The following RGS12 variants were observed in gnomAD, a reference collection of about 807,000 sequenced individuals.
RGS12 encodes regulator of G protein signaling 12.
In RGS12, 66 loss-of-function variants were observed where a neutral mutation model predicts 120.1. The observed-to-expected ratio is 0.55, with a 90% CI of 0.45 to 0.67. The LOEUF is 0.67. RGS12 is among the 30% of genes least tolerant of loss of function. RGS12 has a pLI of 0.00. For synonymous variants in RGS12, 827 were observed against 804.7 expected, an observed-to-expected ratio of 1.03 and a Z score of -0.47; for missense variants, 1,859 against 1,957.7, an observed-to-expected ratio of 0.95 and a Z score of 0.95.
At chr4:3,425,186 AG>A (rs1723478441) in intron 13 of RGS12, among the ~76,000 whole-genome samples, 1 of 152,176 alleles carries the variant, frequency 6.6e-6, no homozygotes, top group Admixed American at 6.5e-5. Flanking sequence ...CCCTCATAGC[AG>A]CGTCCGAGGG....
At chr4:3,383,777 GTGCCCATCACAGGAGCAGCGATGGCCCA>G (rs1289976673) in intron 3 of RGS12, among the ~76,000 whole-genome samples, 1 of 152,170 alleles carries the variant, frequency 6.6e-6, no homozygotes, top group East Asian at 1.9e-4. Flanking sequence ...CCCGCAGCCT[GTGCCCATCACAGGAGCAGCGATGGCCCA>G]TGCCCATATT....
At chr4:3,414,465 G>C (rs370641155) in intron 5 of RGS12, 2 of 601,138 alleles carry the variant, frequency 3.3e-6, no homozygotes, top group African/African-American at 3.7e-5. Context: ...TGGCCCTCCC[G>C]CTCTCTACTG....
intron 17 of RGS12, among the ~76,000 whole-genome samples, chr4:3,438,932 G>A (rs1725062147): frequency 6.6e-6 from 1 of 152,122 alleles, no homozygotes; most frequent in African/African-American, 2.4e-5. Flanking sequence ...AGCGAGGCAG[G>A]TGGGCGAGCA....
intron 1 of RGS12, chr4:3,314,040 AATT>A: frequency 6.6e-6 from 1 of 151,392 alleles, no homozygotes; most frequent in East Asian, 1.9e-4. Flanking sequence ...AAATAATTTT[AATT>A]ATTTTATTTT....
intron 1 of RGS12, among the ~76,000 whole-genome samples, chr4:3,300,902 G>A (rs1011447943): frequency 2.0e-5 from 3 of 152,212 alleles, no homozygotes; most frequent in African/African-American, 7.2e-5. Context: ...ACAGCTTCTG[G>A]GGATTGGGCC....
At chr4:3,414,420 A>T (rs965748808) in intron 5 of RGS12, 179 bp downstream of exon 5, 3 of 706,738 alleles carry the variant, frequency 4.2e-6, no homozygotes, top group Non-Finnish European at 6.8e-6. Flanking sequence ...GGTGGGTTGA[A>T]TCCTGCCCCT....
At chr4:3,292,562 A>C (rs1723085085), upstream of RGS12, among the ~76,000 whole-genome samples, 1 of 152,210 alleles carries the variant, frequency 6.6e-6, no homozygotes, top group South Asian at 2.1e-4. Flanking sequence ...ACAGAGACCC[A>C]ACGGGAGCGG....
At chr4:3,346,027 G>A (rs1713752565) in intron 3 of RGS12, among the ~76,000 whole-genome samples, 1 of 152,148 alleles carries the variant, frequency 6.6e-6, no homozygotes, top group Admixed American at 6.5e-5. Context: ...TTACAGGCAT[G>A]AGCCACCATG....
chr4:3,436,815 AG>A (rs1173448236), intron 17 of RGS12, among the ~76,000 whole-genome samples: 1 of 152,146 alleles, frequency 6.6e-6, no homozygotes, highest in African/African-American at 2.4e-5. Context: ...TGGGGCCTCC[AG>A]CAGGACCCCC....
intron 3 of RGS12, among the ~76,000 whole-genome samples, chr4:3,353,530 C>T (rs1714574410): frequency 6.6e-6 from 1 of 152,196 alleles, no homozygotes; most frequent in Non-Finnish European, 1.5e-5. Context: ...TTGAAGTCTT[C>T]GAGGATGGTA....
At chr4:3,333,724 A>G (rs937703198) in intron 2 of RGS12, among the ~76,000 whole-genome samples, 1 of 152,166 alleles carries the variant, frequency 6.6e-6, no homozygotes, top group Non-Finnish European at 1.5e-5. Flanking sequence ...AAAAATTACT[A>G]TAGCTTTATA....
chr4:3,334,292 T>C (rs555910151), intron 2 of RGS12, among the ~76,000 whole-genome samples: 1 of 152,364 alleles, frequency 6.6e-6, no homozygotes, highest in Non-Finnish European at 1.5e-5. Flanking sequence ...TTGCATTCAT[T>C]GAGATCATGT....
Position 3,439,602 on chromosome 4 carries a change from C to T in RGS12, c.4262C>T (p.Thr1421Ile), listed in dbSNP as rs780323373. The T allele has an allele frequency of 1.2e-6, 2 of 1,608,338 alleles. No homozygotes were observed. The highest frequency in any genetic ancestry group is 1.7e-6 in the Non-Finnish European group (2 of 1,177,428). Reference protein sequence around the residue: ...GRSQASGGPPTSDLPGLGPVP... With the variant: ...GRSQASGGPPISDLPGLGPVP... The stretch of plus-strand genomic sequence containing the variant: ...TCGCAGGCCAGTGGTGGGCCTCCTA[C>T]ATCAGACCTCCCTGGCTTGGGCCCC... The change falls in exon 18 of 18, where the codon ACA becomes ATA. Residue 1421 changes from threonine (T) to isoleucine (I), a missense_variant. Coordinates refer to ENST00000336727, the MANE Select transcript of RGS12 (RefSeq NM_001394154.1).
upstream of RGS12, among the ~76,000 whole-genome samples, chr4:3,288,644 C>T (rs748501271): frequency 1.2e-4 from 19 of 152,190 alleles, no homozygotes; most frequent in Admixed American, 1.1e-3. The surrounding 1 kb of genome is among the most constrained non-coding windows in gnomAD (Gnocchi z 5.2). Context: ...CTTTCCGGGA[C>T]GTATGGACCC....
intron 14 of RGS12, 53 bp downstream of exon 14, chr4:3,425,613 G>A: frequency 1.4e-6 from 2 of 1,436,070 alleles, no homozygotes; most frequent in Non-Finnish European, 9.7e-7. Context: ...TCCAGTGCAG[G>A]GGAGGGGGCT....
rs1298841313 is a variant in RGS12, at chr4:3,374,282, C to T, written c.1999-12134C>T. On this transcript the variant is annotated intron_variant, in intron 3 of 17. Transcript: ENST00000336727. The surrounding 1 kb of genome is among the most constrained non-coding windows in gnomAD (Gnocchi z 6.3). ...CTTGCCTTGGGCTTCTGCAGCAGCG[C>T]CCTCCGGGTTCCCCTCCTCTCCTCC... Among the ~76,000 whole-genome samples, 2 of 152,356 alleles carry T rather than the reference C, an allele frequency of 1.3e-5. No homozygotes were observed. The highest frequency in any genetic ancestry group is 4.1e-4 in the South Asian group (2 of 4,826).
At chr4:3,309,710 G>A (rs1291179244) in intron 1 of RGS12, among the ~76,000 whole-genome samples, 2 of 141,094 alleles carry the variant, frequency 1.4e-5, no homozygotes, top group Non-Finnish European at 3.1e-5. Flanking sequence ...GGAGGAGCTG[G>A]GACCTGGGAA....
At chr4:3,420,551 C>A in intron 9 of RGS12, 91 bp from the exon 10 acceptor site, 1 of 1,333,328 alleles carries the variant, frequency 7.5e-7, no homozygotes, top group Non-Finnish European at 1.1e-6. Flanking sequence ...TGGCGTCTGT[C>A]TGCTCAGCCT....
intron 3 of RGS12, among the ~76,000 whole-genome samples, chr4:3,359,714 C>T (rs868615471): frequency 6.6e-6 from 1 of 151,172 alleles, no homozygotes; most frequent in South Asian, 2.1e-4. Context: ...ACTCCACCTC[C>T]TGGGTTCAAG....
Sources: allele counts gnomAD v4.1 joint callset (sites outside exome capture counted in the v4.1 genomes callset), GRCh38; gene constraint gnomAD v4.1.1; non-coding constraint Gnocchi (gnomAD v3.1); transcripts MANE v1.5; gene names NCBI Gene and HGNC (gene_info 2026-07-23, HGNC 2026-07-21).